Variants in CDH19 observed in about 807,000 individuals in gnomAD.
CDH19 encodes cadherin 19, also known as cadherin-19.
CDH19 carries 67 observed loss-of-function variants against 64.2 expected under a neutral mutation model. That is an observed-to-expected ratio of 1.04 (90% CI 0.86 to 1.28). CDH19 has a LOEUF of 1.28. CDH19 is among the 50% of genes most tolerant of loss of function. The pLI, the probability that CDH19 is intolerant of heterozygous loss-of-function variation, is 0.00. For missense variants in CDH19, 1,030 were observed against 929.0 expected (o/e 1.11, Z -1.41); for synonymous variants, 346 against 319.3 (o/e 1.08, Z -0.89).
rs151068644 is a variant in CDH19 at position 66,588,854 on chromosome 18, C to T, written c.-113+15100G>A. ...GAATATATGCAGATACACCACTAAA[C>T]TACTGATTAGGGAATCATACATCCC... On this transcript the variant is annotated intron_variant, in intron 1 of 11. Coordinates refer to ENST00000262150, the MANE Select transcript of CDH19 (RefSeq NM_021153.4). 5.3e-5 allele frequency among the ~76,000 whole-genome samples: 8 copies of T among 151,738 alleles called. No homozygotes were observed. The East Asian group carries it at 1.4e-3, about 26-fold the overall frequency.
At chr18:66,542,927 A>C (rs1986945944) in intron 7 of CDH19, among the ~76,000 whole-genome samples, 1 of 152,142 alleles carries the variant, frequency 6.6e-6, no homozygotes, top group Non-Finnish European at 1.5e-5. Flanking sequence ...ATTGTCTTCC[A>C]CCGAACTGGT....
chr18:66,570,783 G>C (rs1381525938), intron 2 of CDH19, among the ~76,000 whole-genome samples: 2 of 151,766 alleles, frequency 1.3e-5, no homozygotes, highest in East Asian at 1.9e-4. Flanking sequence ...ATTCATGTGG[G>C]GAGTAGAAAC....
At chr18:66,594,035 A>G (rs2144633910) in intron 1 of CDH19, among the ~76,000 whole-genome samples, 1 of 152,270 alleles carries the variant, frequency 6.6e-6, no homozygotes, top group East Asian at 1.9e-4. Context: ...TATCTGTTTC[A>G]TGTACAATGA....
intron 7 of CDH19, among the ~76,000 whole-genome samples, chr18:66,537,787 T>C (rs1986731745): frequency 6.6e-6 from 1 of 152,002 alleles, no homozygotes; most frequent in Non-Finnish European, 1.5e-5. Flanking sequence ...TATTAAGAGT[T>C]CCCATTGCTT....
At position 66,544,219 on chromosome 18, in the gene CDH19, C is replaced by T. The variant is rs1029155492; in HGVS notation, c.966G>A (p.Val322=). 6.2e-7 allele frequency: 1 copy of T among 1,612,056 alleles called. No individual in the cohort carries two copies. Among genetic ancestry groups the T allele is most frequent in the Non-Finnish European group, 8.5e-7 (1 of 1,179,120 alleles). The change falls in exon 7 of 12, where the codon GTG becomes GTA. Residue 322 remains valine, a synonymous_variant. Transcript: ENST00000262150. ...QEGIVILKKK[V]DFEHQNHYGI... ...CGTAGTGGTTCTGGTGCTCAAAATC[C>T]ACTTTCTGCAAAGAAACACAGTATA...
At chr18:66,598,709 T>A (rs1232971999) in intron 1 of CDH19, among the ~76,000 whole-genome samples, 1 of 151,938 alleles carries the variant, frequency 6.6e-6, no homozygotes, top group Non-Finnish European at 1.5e-5. Context: ...AGGGCGAGAA[T>A]CAAAAAACTA....
intron 9 of CDH19, among the ~76,000 whole-genome samples, chr18:66,512,036 A>G (rs564023867): frequency 6.6e-6 from 1 of 151,508 alleles, no homozygotes; most frequent in East Asian, 1.9e-4. Context: ...CTTTTTCTTT[A>G]TCTGAATGTC....
Position 66,589,236 on chromosome 18 carries a change from A to G in CDH19, c.-113+14718T>C, listed in dbSNP as rs1224459051. Among the ~76,000 whole-genome samples, 3 of 150,194 alleles carry G rather than the reference A, an allele frequency of 2.0e-5. No homozygotes were observed. The East Asian group carries it at 5.8e-4, about 29-fold the overall frequency. Reference sequence around the variant, plus strand: ...TTTGACAAATTGAATGAATATACATATTTGAATATATATACATATATATAT... The same window carrying G: ...TTTGACAAATTGAATGAATATACATGTTTGAATATATATACATATATATAT... On this transcript the variant is annotated intron_variant, in intron 1 of 11. Coordinates refer to ENST00000262150, the MANE Select transcript of CDH19 (RefSeq NM_021153.4).
chr18:66,522,091 C>T (rs1294723124), intron 9 of CDH19, among the ~76,000 whole-genome samples: 5 of 151,422 alleles, frequency 3.3e-5, no homozygotes, highest in Non-Finnish European at 4.4e-5. Flanking sequence ...GTACTACAGG[C>T]GCCCGCCACC....
intron 3 of CDH19, among the ~76,000 whole-genome samples, chr18:66,559,236 AAAAC>A (rs1438524535): frequency 6.6e-6 from 1 of 152,062 alleles, no homozygotes; most frequent in African/African-American, 2.4e-5. Flanking sequence ...AAAAATAAAA[AAAAC>A]AAAGTACATC....
Position 66,554,428 on chromosome 18 carries a change from T to C in CDH19, c.587A>G (p.Tyr196Cys). The C allele has an allele frequency of 6.2e-7, 1 of 1,611,682 alleles. No individual in the cohort carries two copies. The highest frequency in any genetic ancestry group is 8.5e-7 in the Non-Finnish European group (1 of 1,178,508). Reference protein sequence around the residue: ...LLYSLLQGQPYFSVEPTTGVI... With the variant: ...LLYSLLQGQPCFSVEPTTGVI... ...ACCTGTTGTTGGTTCAACAGAAAAA[T>C]ATGGCTGGCCTTGAAGTAAGCTGTA... Residue 196 changes from tyrosine (Y) to cysteine (C), a missense_variant, in exon 4 of 12, where the codon TAT becomes TGT. Transcript: ENST00000262150.
At chr18:66,509,814 T>C (rs1432754739) in intron 10 of CDH19, among the ~76,000 whole-genome samples, 1 of 151,872 alleles carries the variant, frequency 6.6e-6, no homozygotes, top group African/African-American at 2.4e-5. Context: ...AAATACTATA[T>C]TTTCTAATTA....
At chr18:66,588,633 T>G (rs777664810) in intron 1 of CDH19, among the ~76,000 whole-genome samples, 2 of 142,936 alleles carry the variant, frequency 1.4e-5, no homozygotes, top group East Asian at 4.1e-4. Flanking sequence ...TATCTATATA[T>G]ATATAGATAC....
intron 1 of CDH19, among the ~76,000 whole-genome samples, chr18:66,589,777 A>G (rs1988689634): frequency 6.6e-6 from 1 of 151,982 alleles, no homozygotes. Context: ...TTCTTTATGT[A>G]TATATATGTT....
intron 2 of CDH19, among the ~76,000 whole-genome samples, chr18:66,569,163 G>T (rs1279447378): frequency 6.6e-6 from 1 of 151,552 alleles, no homozygotes; most frequent in Non-Finnish European, 1.5e-5. Flanking sequence ...AAAATATTAG[G>T]ATGAAAATTA....
intron 3 of CDH19, among the ~76,000 whole-genome samples, chr18:66,557,108 G>C (rs1987547312): frequency 6.6e-6 from 1 of 151,912 alleles, no homozygotes; most frequent in Non-Finnish European, 1.5e-5. Context: ...AAAGATATCT[G>C]CATTCCCATG....
At chr18:66,567,973 G>A (rs1987968543) in intron 3 of CDH19, among the ~76,000 whole-genome samples, 1 of 151,626 alleles carries the variant, frequency 6.6e-6, no homozygotes, top group African/African-American at 2.4e-5. Flanking sequence ...ACTTAGTTTT[G>A]TCTTAGTGGT....
At chr18:66,582,186 T>A (rs1273983070) in intron 1 of CDH19, among the ~76,000 whole-genome samples, 1 of 152,146 alleles carries the variant, frequency 6.6e-6, no homozygotes, top group Non-Finnish European at 1.5e-5. Flanking sequence ...TTTTCTATTA[T>A]CTCTTCTTAG....
At chr18:66,566,721 T>C (rs909215809) in intron 3 of CDH19, among the ~76,000 whole-genome samples, 7 of 151,850 alleles carry the variant, frequency 4.6e-5, no homozygotes, top group Admixed American at 6.6e-5. Context: ...TTTTGGAACA[T>C]CTTTTCTCAT....
Sources: allele counts gnomAD v4.1 joint callset (sites outside exome capture counted in the v4.1 genomes callset), GRCh38; gene constraint gnomAD v4.1.1; transcripts MANE v1.5; gene names NCBI Gene and HGNC (gene_info 2026-07-23, HGNC 2026-07-21).